FLG: variants seen among roughly 807,000 people sequenced by gnomAD.
FLG encodes the protein epidermal filaggrin.
In FLG, 6 loss-of-function variants were observed where a neutral mutation model predicts 3.8. The observed-to-expected ratio is 1.60, with a 90% CI of 0.87 to 3.15. The LOEUF (loss-of-function observed/expected upper bound fraction) is 3.15. Ranked by LOEUF, FLG falls within the 30% of genes most tolerant of loss-of-function variation. The pLI, the probability that FLG is intolerant of heterozygous loss-of-function variation, is 0.00. For missense variants in FLG, 7,595 were observed against 5,050.9 expected, an observed-to-expected ratio of 1.50 and a Z score of -15.27; for synonymous variants, 2,551 against 1,931.6, an observed-to-expected ratio of 1.32 and a Z score of -8.41.
chr1:152,321,227 T>C (rs1652959765), intron 1 of FLG, among the ~76,000 whole-genome samples: 1 of 150,934 alleles, frequency 6.6e-6, no homozygotes, highest in African/African-American at 2.4e-5. Flanking sequence ...TGTGTATATA[T>C]ATGTATATGA....
Position 152,307,780 on chromosome 1 carries a change from C to G in FLG, c.7106G>C (p.Ser2369Thr), listed in dbSNP as rs745346284. 9.9e-6 allele frequency: 16 copies of G among 1,613,342 alleles called. No homozygotes were observed. Among genetic ancestry groups the G allele is most frequent in the African/African-American group, 6.7e-5 (5 of 74,612 alleles). The stretch of plus-strand genomic sequence containing the variant: ...GTCTTCTGAATGTCCCTCACTGTCA[C>G]TGGCCTGACTACCACTGGACCCTCG... The part of the protein sequence containing the change: ...GHRGSSGSQA[S>T]DSEGHSEDSD... Residue 2369 changes from serine (S) to threonine (T), a missense_variant, in exon 3 of 3, where the codon AGT (serine) becomes ACT (threonine). Ser to Thr is a moderately conservative substitution (Grantham distance 58, BLOSUM62 1). Coordinates refer to ENST00000368799, the MANE Select transcript of FLG (RefSeq NM_002016.2).
intron 1 of FLG, among the ~76,000 whole-genome samples, chr1:152,318,263 A>G (rs1008883321): frequency 2.6e-5 from 4 of 151,900 alleles, no homozygotes; most frequent in South Asian, 2.1e-4. Flanking sequence ...TCAATTTTCT[A>G]TCACCAAACT....
Position 152,309,212 on chromosome 1 carries a change from C to T in FLG, c.5674G>A (p.Ala1892Thr), listed in dbSNP as rs375529357. 5.6e-6 allele frequency: 9 copies of T among 1,613,598 alleles called. No homozygotes were observed. The highest frequency in any genetic ancestry group is 1.3e-5 in the African/African-American group (1 of 74,804). ...GSRHHEASSR[A>T]DSSRHSQVGQ... Reference sequence around the variant, plus strand: ...ACCTGCGAGTGTCTAGAGCTGTCGGCCCGAGAGGAAGCTTCATGGTGACGC... The same window carrying T: ...ACCTGCGAGTGTCTAGAGCTGTCGGTCCGAGAGGAAGCTTCATGGTGACGC... The change falls in exon 3 of 3, where the codon GCC (alanine) becomes ACC (threonine). Residue 1892 changes from alanine (A) to threonine (T), a missense_variant. Physicochemically the swap from Ala to Thr is moderately conservative, Grantham distance 58. Transcript: ENST00000368799.
chr1:152,304,378 C>A lies in FLG; in HGVS notation c.10508G>T (p.Trp3503Leu). ...AGTGGAAGCTTCATGGTGATGCGACCATGAGTGCCTGGAGCCATCTCCTGA... is the reference window on the plus strand; with the variant it reads ...AGTGGAAGCTTCATGGTGATGCGACAATGAGTGCCTGGAGCCATCTCCTGA... The part of the protein sequence containing the change: ...EQSGDGSRHS[W>L]SHHHEASTQA... The change falls in exon 3 of 3, where the codon TGG (tryptophan) becomes TTG (leucine). Residue 3503 changes from tryptophan (W) to leucine (L), a missense_variant. By Grantham distance (61) the Trp-to-Leu change is moderately conservative. Transcript: ENST00000368799. The A allele has an allele frequency of 6.2e-7, 1 of 1,611,650 alleles. No individual in the cohort carries two copies. The highest frequency in any genetic ancestry group is 8.5e-7 in the Non-Finnish European group (1 of 1,179,008).
Position 152,307,367 on chromosome 1 carries a change from G to C in FLG, c.7519C>G (p.His2507Asp), listed in dbSNP as rs557516477. Reference sequence around the variant, plus strand: ...CTGCTTGCACTTCTGGATCCTGAGTGCCCATGGGAGGCATCAGACCTTCCC... The same window carrying C: ...CTGCTTGCACTTCTGGATCCTGAGTCCCCATGGGAGGCATCAGACCTTCCC... ...SQGRSDASHG[H>D]SGSRSASRQT... The change falls in exon 3 of 3, where the codon CAC becomes GAC. Residue 2507 changes from histidine to aspartate, a missense_variant. Coordinates refer to ENST00000368799, the MANE Select transcript of FLG (RefSeq NM_002016.2). 2 of 1,613,144 alleles carry C rather than the reference G, an allele frequency of 1.2e-6. No homozygotes were observed. Among genetic ancestry groups the C allele is most frequent in the Non-Finnish European group, 1.7e-6 (2 of 1,179,672 alleles).
At chr1:152,322,729 A>T (rs1484943614) in intron 1 of FLG, among the ~76,000 whole-genome samples, 1 of 151,420 alleles carries the variant, frequency 6.6e-6, no homozygotes, top group Admixed American at 6.6e-5. Flanking sequence ...TGAGATAAAG[A>T]TTTAAATAAA....
In FLG at chr1:152,309,272, T is replaced by A. The variant is rs757686343; in HGVS notation, c.5614A>T (p.Lys1872Ter). The A allele has an allele frequency of 1.2e-6, 2 of 1,612,670 alleles. No individual in the cohort carries two copies. The highest frequency in any genetic ancestry group is 1.7e-5 in the Admixed American group (1 of 59,904). ...TGCCTGGAGCCGTCTCCTGATTGTT[T>A]CTCATTACGTGTTTGTCTGCTGACA... The part of the protein sequence containing the change: ...RSVSRQTRNE[K>*]QSGDGSRHSG... Residue 1872 changes from lysine (K) to a stop codon, truncating the protein, a stop_gained, in exon 3 of 3, where the codon AAA becomes TAA. Coordinates refer to ENST00000368799, the MANE Select transcript of FLG (RefSeq NM_002016.2). LOFTEE classifies it low-confidence loss of function (END_TRUNC).
chr1:152,311,376 C>G lies in FLG; in HGVS notation c.3510G>C (p.Gly1170=). 6.2e-7 allele frequency: 1 copy of G among 1,613,668 alleles called. No individual in the cohort carries two copies. The highest frequency in any genetic ancestry group is 1.7e-4 in the Middle Eastern group (1 of 6,058). ...EGQDTIRAHP[G]SRRGGRQGSH... is the part of the protein sequence containing the mutation. ...ATCCCTGCCTTCCTCCTCTCCTTGA[C>G]CCCGGGTGTGCACGAATGGTGTCCT... Residue 1170 remains glycine (G), a synonymous_variant, in exon 3 of 3, where the codon GGG becomes GGC. Coordinates refer to ENST00000368799, the MANE Select transcript of FLG (RefSeq NM_002016.2).
In FLG at chr1:152,302,758, C is replaced by T. The variant is rs1651686610; in HGVS notation, c.12128G>A (p.Ser4043Asn). The stretch of plus-strand genomic sequence containing the variant: ...AAATCCCAGTTGTTTCGATATATCA[C>T]TAGAATGGCCACATAAACCTGGGTC... Reference protein sequence around the residue: ...NKDPGLCGHSSDISKQLGFSQ... With the variant: ...NKDPGLCGHSNDISKQLGFSQ... The change falls in exon 3 of 3, where the codon AGT (serine) becomes AAT (asparagine). Residue 4043 changes from serine to asparagine, a missense_variant. By Grantham distance (46) the Ser-to-Asn change is conservative (BLOSUM62 1). Coordinates refer to ENST00000368799, the MANE Select transcript of FLG (RefSeq NM_002016.2). The T allele has an allele frequency of 1.2e-6, 2 of 1,614,014 alleles. No homozygotes were observed. Among genetic ancestry groups the T allele is most frequent in the Non-Finnish European group, 1.7e-6 (2 of 1,180,022 alleles).
In FLG at chr1:152,309,258, G is replaced by C. The variant is rs138772997; in HGVS notation, c.5628C>G (p.Asp1876Glu). 6.2e-7 allele frequency: 1 copy of C among 1,613,662 alleles called. No individual in the cohort carries two copies. The change falls in exon 3 of 3, where the codon GAC (aspartate) becomes GAG (glutamate). Residue 1876 changes from aspartate to glutamate, a missense_variant. Asp to Glu is a conservative substitution (Grantham distance 45). Transcript: ENST00000368799. The part of the protein sequence containing the change: ...RQTRNEKQSG[D>E]GSRHSGSRHH... ...GACGCGACCCTGAGTGCCTGGAGCC[G>C]TCTCCTGATTGTTTCTCATTACGTG...
At position 152,308,852 on chromosome 1, in the gene FLG, G is replaced by A; in HGVS notation, c.6034C>T (p.Gln2012Ter). ...GERHGSHHQL[Q>*]SADSSRHSGI... ...GAGTGTCTGGAGCTGTCTGCTGACT[G>A]GAGCTGGTGGTGGGATCCATGTCTT... The change falls in exon 3 of 3, where the codon CAG becomes TAG. Residue 2012 changes from glutamine (Q) to a stop codon, truncating the protein, a stop_gained. Transcript: ENST00000368799. LOFTEE classifies it low-confidence loss of function (END_TRUNC). The A allele has an allele frequency of 2.5e-6, 4 of 1,613,766 alleles. No homozygotes were observed. Among genetic ancestry groups the A allele is most frequent in the Admixed American group, 1.7e-5 (1 of 59,992 alleles).
chr1:152,312,589 C>T lies in FLG; in HGVS notation c.2297G>A (p.Gly766Glu), dbSNP rs199617295. 4 of 1,613,764 alleles carry T rather than the reference C, an allele frequency of 2.5e-6. No homozygotes were observed. The highest frequency in any genetic ancestry group is 2.5e-6 in the Non-Finnish European group (3 of 1,179,952). ...GCTCTGCTGATGGTGACCAGCCTGTCCATGGCCTGACACTGACTGTGTGTC... is the reference window on the plus strand; with the variant it reads ...GCTCTGCTGATGGTGACCAGCCTGTTCATGGCCTGACACTGACTGTGTGTC... ...DSDTQSVSGH[G>E]QAGHHQQSHQ... Residue 766 changes from glycine (G) to glutamate (E), a missense_variant, in exon 3 of 3, where the codon GGA becomes GAA. By Grantham distance (98) the Gly-to-Glu change is moderately conservative (BLOSUM62 -2). Transcript: ENST00000368799.
In FLG at chr1:152,313,781, T is replaced by C; in HGVS notation, c.1105A>G (p.Thr369Ala). The C allele has an allele frequency of 1.2e-6, 2 of 1,614,004 alleles. No homozygotes were observed. The highest frequency in any genetic ancestry group is 1.1e-5 in the South Asian group (1 of 91,070). ...RHAETSSRGQ[T>A]ASSHEQARSS... The stretch of plus-strand genomic sequence containing the variant: ...CTTGCCTGTTCATGGGATGATGCAG[T>C]CTGTCCACGAGAGGAAGTCTCTGCG... The change falls in exon 3 of 3, where the codon ACT (threonine) becomes GCT (alanine). Residue 369 changes from threonine to alanine, a missense_variant. Physicochemically the swap from Thr to Ala is moderately conservative, Grantham distance 58. Coordinates refer to ENST00000368799, the MANE Select transcript of FLG (RefSeq NM_002016.2).
chr1:152,307,312 T>C lies in FLG; in HGVS notation c.7574A>G (p.Asp2525Gly). 1 of 1,613,272 alleles carries C rather than the reference T, an allele frequency of 6.2e-7. No individual in the cohort carries two copies. The highest frequency in any genetic ancestry group is 8.5e-7 in the Non-Finnish European group (1 of 1,179,890). The change falls in exon 3 of 3, where the codon GAC becomes GGC. Residue 2525 changes from aspartate to glycine, a missense_variant. Transcript: ENST00000368799. ...ACGCGACCCTGAGTGCCTGGAGCCGTCTCCTGATTGTTCATCGTTACGAGT... is the reference window on the plus strand; with the variant it reads ...ACGCGACCCTGAGTGCCTGGAGCCGCCTCCTGATTGTTCATCGTTACGAGT... ...RQTRNDEQSG[D>G]GSRHSGSRHH...
Position 152,305,396 on chromosome 1 carries a change from T to C in FLG, c.9490A>G (p.Thr3164Ala). ...CCTGATTGTTCCTCATTACGTGTTG[T>C]TCTGCTTGCACTTCTGGATCCTGAC... ...GQSGSRSASR[T>A]TRNEEQSGDS... The change falls in exon 3 of 3, where the codon ACA becomes GCA. Residue 3164 changes from threonine (T) to alanine (A), a missense_variant. Physicochemically the swap from Thr to Ala is moderately conservative, Grantham distance 58. Coordinates refer to ENST00000368799, the MANE Select transcript of FLG (RefSeq NM_002016.2). 2 of 1,605,080 alleles carry C rather than the reference T, an allele frequency of 1.2e-6. No homozygotes were observed. The highest frequency in any genetic ancestry group is 2.3e-5 in the East Asian group (1 of 44,076).
At position 152,307,851 on chromosome 1, in the gene FLG, G is replaced by T; in HGVS notation, c.7035C>A (p.Gly2345=). ...QQSADSSRHS[G]IGHGQASSAV... ...CAGATGAAGCTTGTCCGTGCCCAAT[G>T]CCTGAGTGTCTGGAGCTGTCTGCTG... The change falls in exon 3 of 3, where the codon GGC becomes GGA. Residue 2345 remains glycine (G), a synonymous_variant. Coordinates refer to ENST00000368799, the MANE Select transcript of FLG (RefSeq NM_002016.2). The T allele has an allele frequency of 1.2e-6, 2 of 1,613,202 alleles. No individual in the cohort carries two copies. Among genetic ancestry groups the T allele is most frequent in the African/African-American group, 1.3e-5 (1 of 74,594 alleles).
At chr1:152,318,816 C>T (rs1378543149) in intron 1 of FLG, among the ~76,000 whole-genome samples, 1 of 151,594 alleles carries the variant, frequency 6.6e-6, no homozygotes, top group African/African-American at 2.4e-5. Flanking sequence ...TTTGTGAAGA[C>T]AATAAACAAA....
chr1:152,312,950 G>T lies in FLG; in HGVS notation c.1936C>A (p.His646Asn), dbSNP rs1355501287. The T allele has an allele frequency of 4.3e-6, 7 of 1,614,006 alleles. No individual in the cohort carries two copies. Among genetic ancestry groups the T allele is most frequent in the South Asian group, 1.1e-5 (1 of 91,068 alleles). ...CTTGACTGCTCCTGAGCAGATCCAT[G>T]ATGGTTTCTGGAAGCAGACCCAGAC... ...RWSGSASRNHHGSAQEQSRDG... is the reference protein window; with the variant it reads ...RWSGSASRNHNGSAQEQSRDG... The change falls in exon 3 of 3, where the codon CAT becomes AAT. Residue 646 changes from histidine (H) to asparagine (N), a missense_variant. Coordinates refer to ENST00000368799, the MANE Select transcript of FLG (RefSeq NM_002016.2).
In FLG at chr1:152,312,196, C is replaced by A; in HGVS notation, c.2690G>T (p.Arg897Leu). 1 of 1,603,298 alleles carries A rather than the reference C, an allele frequency of 6.2e-7. No individual in the cohort carries two copies. The highest frequency in any genetic ancestry group is 8.5e-7 in the Non-Finnish European group (1 of 1,178,852). Residue 897 changes from arginine to leucine, a missense_variant, in exon 3 of 3, where the codon CGT (arginine) becomes CTT (leucine). Transcript: ENST00000368799. ...SGSRSASRTT[R>L]NEEQSRDGSR... ...GCCGTCTCTTGATTGTTCCTCATTA[C>A]GTGTTGTTCTGCTTGCACTTCTGGA...
Sources: gnomAD v4.1 joint callset for allele counts (sites outside exome capture counted in the v4.1 genomes callset) on GRCh38, gnomAD v4.1.1 for gene constraint, MANE v1.5 for transcripts, NCBI Gene and HGNC (gene_info 2026-07-23, HGNC 2026-07-21) for gene names.